USP7: variants seen among roughly 807,000 people sequenced by gnomAD.
The protein encoded by USP7 is ubiquitin specific peptidase 7, also known as ubiquitin C-terminal hydrolase 7.
Under a neutral mutation model 162.9 loss-of-function variants are expected in USP7, and 9 were observed. The observed-to-expected ratio is 0.06, with a 90% CI of 0.03 to 0.10. USP7 has a LOEUF of 0.10. USP7 is among the 10% of genes least tolerant of loss of function. USP7 has a pLI of 1.00. For missense variants in USP7, 715 were observed against 1,373.7 expected, an observed-to-expected ratio of 0.52 and a Z score of 7.58; for synonymous variants, 562 against 475.9, an observed-to-expected ratio of 1.18 and a Z score of -2.35.
chr16:8,932,621 GAGAA>G (rs1898428177), intron 1 of USP7, among the ~76,000 whole-genome samples: 1 of 25,362 alleles, frequency 3.9e-5, no homozygotes, highest in Non-Finnish European at 2.2e-4. Flanking sequence ...ATTTAAAAAA[GAGAA>G]AGAAAAGAAA....
At chr16:8,899,830 C>G in intron 21 of USP7, 73 bp from the exon 22 acceptor site, 1 of 1,534,152 alleles carries the variant, frequency 6.5e-7, no homozygotes, top group South Asian at 1.1e-5. Flanking sequence ...ATGGCATCAT[C>G]TTTTACACAA....
chr16:8,896,508 C>T (rs757854077), intron 26 of USP7, among the ~76,000 whole-genome samples: 3 of 152,138 alleles, frequency 2.0e-5, no homozygotes, highest in Non-Finnish European at 4.4e-5. Flanking sequence ...TCATGCCCAT[C>T]TCTCTGAAAT....
At chr16:8,946,424 A>T (rs529749053) in intron 1 of USP7, among the ~76,000 whole-genome samples, 1 of 152,284 alleles carries the variant, frequency 6.6e-6, no homozygotes, top group African/African-American at 2.4e-5. Context: ...CTAAATAAAG[A>T]AAAAAACTGT....
chr16:8,957,753 T>G (rs1406118571), intron 1 of USP7, among the ~76,000 whole-genome samples: 1 of 142,934 alleles, frequency 7.0e-6, no homozygotes, highest in Admixed American at 6.9e-5. Flanking sequence ...CAAGACCCTG[T>G]CTCTTAAATT....
At position 8,906,358 on chromosome 16, in the gene USP7, C is replaced by G. The variant is rs142678397; in HGVS notation, c.1428+68G>C. The stretch of plus-strand genomic sequence containing the variant: ...ACAAGGTTCCGAGTAGGAACCAGAA[C>G]AGGCTGAAGCAGAGCTTGTGTTAAC... On this transcript the variant is annotated intron_variant, in intron 13 of 30. Transcript: ENST00000344836. 2.9e-4 allele frequency: 453 copies of G among 1,547,934 alleles called. 1 individual carries two copies. In the African/African-American group the frequency reaches 5.4e-3, roughly 19 times the overall value.
chr16:8,900,131 T>C (rs867657263), intron 21 of USP7: 3 of 365,986 alleles, frequency 8.2e-6, no homozygotes, highest in South Asian at 6.3e-5. Context: ...GGCTTTCGTG[T>C]GCCATCGAGC....
intron 8 of USP7, among the ~76,000 whole-genome samples, chr16:8,916,155 A>G (rs140327428): frequency 1.3e-5 from 2 of 152,350 alleles, no homozygotes; most frequent in Non-Finnish European, 2.9e-5. Flanking sequence ...GAGTAACAAC[A>G]GAAGTCACCA....
chr16:8,898,198 C>T (rs548556563), intron 25 of USP7, among the ~76,000 whole-genome samples, 162 bp downstream of exon 25: 1 of 152,218 alleles, frequency 6.6e-6, no homozygotes, highest in African/African-American at 2.4e-5. Flanking sequence ...GAGGTCCTGC[C>T]AGGAGGCAGG....
intron 11 of USP7, 93 bp from the exon 12 acceptor site, chr16:8,908,543 T>C (rs2061894957): frequency 1.0e-6 from 1 of 960,126 alleles, no homozygotes. Context: ...TTGGAACATG[T>C]CTGGAGACTC....
chr16:8,905,949 G>A (rs540463700), intron 13 of USP7, among the ~76,000 whole-genome samples: 1 of 152,272 alleles, frequency 6.6e-6, no homozygotes, highest in African/African-American at 2.4e-5. Context: ...CTCGGTGCTG[G>A]CCCTGTGGTC....
chr16:8,903,575 T>C (rs1289780736), intron 15 of USP7, among the ~76,000 whole-genome samples, 173 bp from the exon 16 acceptor site: 11 of 152,296 alleles, frequency 7.2e-5, no homozygotes, highest in Admixed American at 6.5e-4. Flanking sequence ...AAATCAGGTA[T>C]TTATTTAGAA....
intron 21 of USP7, 71 bp from the exon 22 acceptor site, chr16:8,899,828 A>C: frequency 6.5e-7 from 1 of 1,544,080 alleles, no homozygotes; most frequent in South Asian, 1.1e-5. Flanking sequence ...AAATGGCATC[A>C]TCTTTTACAC....
At chr16:8,947,042 A>C (rs1764970211) in intron 1 of USP7, among the ~76,000 whole-genome samples, 1 of 152,218 alleles carries the variant, frequency 6.6e-6, no homozygotes, top group African/African-American at 2.4e-5. Context: ...TGCTGTAGTT[A>C]TCAGAGAATA....
Position 8,896,991 on chromosome 16 carries a change from A to T in USP7, c.2819+8T>A, listed in dbSNP as rs200180798. 190 of 1,611,044 alleles carry T rather than the reference A, an allele frequency of 1.2e-4. 2 individuals are homozygous for T. The highest frequency in any genetic ancestry group is 1.4e-5 in the Non-Finnish European group (17 of 1,177,322). On this transcript the variant is annotated splice_region_variant and intron_variant, in intron 26 of 30. Coordinates refer to ENST00000344836, the MANE Select transcript of USP7 (RefSeq NM_003470.3). ...GAACGTCCACAATTGGGCTCAAGAA[A>T]TACTTGCCTAAGTTTCCCTGATGCT... is the stretch of plus-strand genomic sequence containing the variant.
At chr16:8,919,251 A>G (rs2304473) in intron 5 of USP7, 112 bp from the exon 6 acceptor site, 10,997 of 970,288 alleles carry the variant, frequency 0.011, 228 homozygotes, top group East Asian at 0.079. Flanking sequence ...GGCCAGGAAC[A>G]CTTATCACAC....
intron 2 of USP7, among the ~76,000 whole-genome samples, chr16:8,929,114 T>C (rs1324510934): frequency 6.6e-6 from 1 of 151,822 alleles, no homozygotes; most frequent in Non-Finnish European, 1.5e-5. Context: ...AGACCCGGAA[T>C]GTTCCGATAG....
intron 1 of USP7, chr16:8,936,764 G>A: frequency 7.6e-7 from 1 of 1,319,464 alleles, no homozygotes; most frequent in South Asian, 1.8e-5. Context: ...TTTAGGACCA[G>A]AAACATTCAA....
At chr16:8,919,780 A>G (rs1897582826) in intron 5 of USP7, among the ~76,000 whole-genome samples, 1 of 149,716 alleles carries the variant, frequency 6.7e-6, no homozygotes. Flanking sequence ...ACACAATGCC[A>G]CGACCTGAAC....
intron 3 of USP7, 73 bp downstream of exon 3, chr16:8,923,142 G>T: frequency 1.7e-6 from 2 of 1,180,062 alleles, no homozygotes; most frequent in Non-Finnish European, 2.5e-6. Flanking sequence ...CTATGTAGAG[G>T]CAGCAAATAA....
Sources: allele counts gnomAD v4.1 joint callset (sites outside exome capture counted in the v4.1 genomes callset), GRCh38; gene constraint gnomAD v4.1.1; transcripts MANE v1.5; gene names NCBI Gene and HGNC (gene_info 2026-07-23, HGNC 2026-07-21).